The following OPCML variants were observed in gnomAD, a reference collection of about 807,000 sequenced individuals.
OPCML encodes the protein opioid-binding protein/cell adhesion molecule.
Under a neutral mutation model 37.8 loss-of-function variants are expected in OPCML, and 13 were observed. The ratio of observed to expected loss-of-function variants is 0.34; its 90% CI spans 0.22 to 0.55. OPCML has a LOEUF of 0.55. Ranked by LOEUF, OPCML falls within the 20% of genes least tolerant of loss-of-function variation. OPCML has a pLI of 0.91. For synonymous variants in OPCML, 176 were observed against 168.8 expected (o/e 1.04, Z -0.33); for missense variants, 341 against 435.6 (o/e 0.78, Z 1.93).
intron 1 of OPCML, among the ~76,000 whole-genome samples, chr11:133,497,085 A>G (rs1221313604): frequency 6.6e-6 from 1 of 152,014 alleles, no homozygotes; most frequent in Non-Finnish European, 1.5e-5. Context: ...TTGTATGCCG[A>G]TTTTGCTGAG....
intron 2 of OPCML, among the ~76,000 whole-genome samples, chr11:132,754,329 T>C (rs887669507): frequency 6.6e-6 from 1 of 152,130 alleles, no homozygotes; most frequent in Non-Finnish European, 1.5e-5. Flanking sequence ...GTCTTTCCTG[T>C]GCTATTCTCA....
chr11:133,461,065 T>G (rs1327990996), intron 1 of OPCML, among the ~76,000 whole-genome samples: 1 of 151,714 alleles, frequency 6.6e-6, no homozygotes, highest in African/African-American at 2.4e-5. Context: ...CTCAACAAAC[T>G]AGAAAAAAAT....
intron 1 of OPCML, among the ~76,000 whole-genome samples, chr11:133,136,385 C>T (rs1029737158): frequency 4.7e-5 from 7 of 148,868 alleles, no homozygotes; most frequent in African/African-American, 1.2e-4. Context: ...CTTTTTTCCC[C>T]ACTTTCTAGA....
chr11:132,791,525 CT>C (rs1212387190), intron 2 of OPCML, among the ~76,000 whole-genome samples: 1 of 152,156 alleles, frequency 6.6e-6, no homozygotes, highest in Non-Finnish European at 1.5e-5. Context: ...ACATTATTTT[CT>C]GATAAACAAC....
At chr11:132,899,512 C>T (rs926104074) in intron 2 of OPCML, among the ~76,000 whole-genome samples, 6 of 152,102 alleles carry the variant, frequency 3.9e-5, no homozygotes, top group Non-Finnish European at 5.9e-5. Context: ...AGTTTCACCA[C>T]GTTAGGTGGA....
At chr11:132,593,342 G>A (rs763559687) in intron 3 of OPCML, among the ~76,000 whole-genome samples, 5 of 152,176 alleles carry the variant, frequency 3.3e-5, no homozygotes, top group Non-Finnish European at 5.9e-5. Flanking sequence ...CACCTCACTC[G>A]GTTTCCTGTA....
intron 1 of OPCML, among the ~76,000 whole-genome samples, chr11:133,191,362 T>C (rs75411071): frequency 8.3e-4 from 127 of 152,328 alleles, no homozygotes; most frequent in African/African-American, 2.9e-3. Flanking sequence ...TCCCTGTTGC[T>C]TCCTTGTTAA....
chr11:133,520,136 C>G (rs1948368413), intron 1 of OPCML, among the ~76,000 whole-genome samples: 1 of 152,134 alleles, frequency 6.6e-6, no homozygotes, highest in Admixed American at 6.5e-5. Flanking sequence ...AAAGAGCTCC[C>G]CTGTCCTCCA....
chr11:133,011,660 G>A (rs1400110601), intron 1 of OPCML, among the ~76,000 whole-genome samples: 2 of 151,678 alleles, frequency 1.3e-5, no homozygotes, highest in Non-Finnish European at 2.9e-5. Flanking sequence ...GGAAGCTGGA[G>A]TCAATTATCT....
At chr11:132,843,250 A>G (rs1941378552) in intron 2 of OPCML, among the ~76,000 whole-genome samples, 1 of 151,946 alleles carries the variant, frequency 6.6e-6, no homozygotes, top group South Asian at 2.1e-4. Flanking sequence ...ATGTGCCACC[A>G]TGCCCAGTTA....
At chr11:132,654,455 T>A (rs1262853026) in intron 3 of OPCML, among the ~76,000 whole-genome samples, 1 of 142,734 alleles carries the variant, frequency 7.0e-6, no homozygotes, top group Non-Finnish European at 1.5e-5. Flanking sequence ...AAAGAAGATC[T>A]TCCCCAAGAG....
At chr11:133,108,532 G>A (rs1359965088) in intron 1 of OPCML, among the ~76,000 whole-genome samples, 4 of 151,994 alleles carry the variant, frequency 2.6e-5, no homozygotes, top group Non-Finnish European at 4.4e-5. Flanking sequence ...CTTTCCAGCG[G>A]GGTAAATGGG....
chr11:132,816,259 G>A (rs948366462), intron 2 of OPCML, among the ~76,000 whole-genome samples: 4 of 152,078 alleles, frequency 2.6e-5, no homozygotes, highest in African/African-American at 9.7e-5. Flanking sequence ...AAACAGCTTG[G>A]CAAACTGTTT....
chr11:133,246,141 G>T (rs539231137), intron 1 of OPCML, among the ~76,000 whole-genome samples: 2 of 152,266 alleles, frequency 1.3e-5, no homozygotes, highest in African/African-American at 2.4e-5. Flanking sequence ...AAATTAAAAA[G>T]AAGCTTGGTG....
intron 2 of OPCML, among the ~76,000 whole-genome samples, chr11:132,767,403 A>G (rs541164083): frequency 2.0e-5 from 3 of 152,214 alleles, no homozygotes; most frequent in Non-Finnish European, 4.4e-5. Context: ...TCAATAACTA[A>G]TATTAGCACA....
chr11:133,163,177 ATT>A (rs1565480899), intron 1 of OPCML, among the ~76,000 whole-genome samples: 1 of 152,116 alleles, frequency 6.6e-6, no homozygotes, highest in African/African-American at 2.4e-5. Flanking sequence ...TGCCACTCTC[ATT>A]ATTTCAGATG....
At chr11:132,546,182 C>T (rs765981954) in intron 3 of OPCML, among the ~76,000 whole-genome samples, 1 of 152,184 alleles carries the variant, frequency 6.6e-6, no homozygotes, top group East Asian at 1.9e-4. Context: ...CTTCGGTGAA[C>T]TCTCTGTTTA....
chr11:133,393,042 CTTT>C (rs55728368), intron 1 of OPCML, among the ~76,000 whole-genome samples: 1 of 146,364 alleles, frequency 6.8e-6, no homozygotes, highest in Admixed American at 6.8e-5. Flanking sequence ...TGTTTAGTGA[CTTT>C]TTTTTTTTTG....
intron 2 of OPCML, among the ~76,000 whole-genome samples, chr11:132,849,134 C>T (rs1038529273): frequency 6.6e-6 from 1 of 152,204 alleles, no homozygotes; most frequent in Non-Finnish European, 1.5e-5. Context: ...GTTTACAATG[C>T]TCATTTCCTT....
Sources: allele counts gnomAD v4.1 joint callset (sites outside exome capture counted in the v4.1 genomes callset), GRCh38; gene constraint gnomAD v4.1.1; transcripts MANE v1.5; gene names NCBI Gene and HGNC (gene_info 2026-07-23, HGNC 2026-07-21).